CC2D2B: variants seen among roughly 807,000 people sequenced by gnomAD.
The protein encoded by CC2D2B is coiled-coil and C2 domain containing 2B.
CC2D2B carries 128 observed loss-of-function variants against 161.2 expected under a neutral mutation model. That is an observed-to-expected ratio of 0.79 (90% CI 0.69 to 0.92). The LOEUF is 0.92. CC2D2B is among the 40% of genes least tolerant of loss of function. The pLI is 0.00. For missense variants in CC2D2B, 1,173 were observed against 1,375.1 expected (o/e 0.85, Z 2.32); for synonymous variants, 391 against 449.8 (o/e 0.87, Z 1.65).
intron 14 of CC2D2B, 118 bp downstream of exon 14, chr10:95,966,420 A>T: frequency 2.7e-6 from 1 of 370,440 alleles, no homozygotes; most frequent in African/African-American, 2.1e-5. Flanking sequence ...TAAGTTTTTA[A>T]AAACACATTT....
Position 95,943,286 on chromosome 10 carries a change from G to T in CC2D2B, c.801+4361G>T, listed in dbSNP as rs1337102360. ...TGTCAGGTCTATCAGATGTTCCATTGCTTCTCTCTGCTATCTCCCACACAA... is the reference window on the plus strand; with the variant it reads ...TGTCAGGTCTATCAGATGTTCCATTTCTTCTCTCTGCTATCTCCCACACAA... On this transcript the variant is annotated intron_variant, in intron 9 of 34. Transcript: ENST00000646931. Among the ~76,000 whole-genome samples, 5 of 152,126 alleles carry T rather than the reference G, an allele frequency of 3.3e-5. No individual in the cohort carries two copies. The East Asian group carries it at 9.6e-4, about 29-fold the overall frequency.
chr10:95,993,976 A>G (rs181412637), intron 22 of CC2D2B, among the ~76,000 whole-genome samples: 1 of 85,920 alleles, frequency 1.2e-5, no homozygotes, highest in African/African-American at 5.4e-5. Context: ...ATATATATAT[A>G]TATATATATA....
In CC2D2B at chr10:95,942,275, T is replaced by C. The variant is rs1293174122; in HGVS notation, c.801+3350T>C. On this transcript the variant is annotated intron_variant, in intron 9 of 34. Transcript: ENST00000646931. ...ACATTGTGCTTATAGTTAATAGTAC[T>C]GTAAACTTAAACGAGGGTAGATCTC... Among the ~76,000 whole-genome samples, 4 of 152,200 alleles carry C rather than the reference T, an allele frequency of 2.6e-5. No individual in the cohort carries two copies. The East Asian group carries it at 5.8e-4, about 22-fold the overall frequency.
chr10:95,980,299 C>T (rs955642368), intron 17 of CC2D2B, among the ~76,000 whole-genome samples: 10 of 152,154 alleles, frequency 6.6e-5, no homozygotes, highest in Admixed American at 2.0e-4. Flanking sequence ...TACAGCTAAA[C>T]GTGTATAGGA....
In CC2D2B at chr10:96,004,136, T is replaced by C. The variant is rs1231857575; in HGVS notation, c.2850-16T>C. On this transcript the variant is annotated splice_polypyrimidine_tract_variant and intron_variant, in intron 24 of 34. Transcript: ENST00000646931. ...TGAGAAAATTAAGCATTTGAATATATTTTTCTTATTTGCAGCTCACCAGGA... is the reference window on the plus strand; with the variant it reads ...TGAGAAAATTAAGCATTTGAATATACTTTTCTTATTTGCAGCTCACCAGGA... 2.8e-6 allele frequency: 4 copies of C among 1,420,860 alleles called. No homozygotes were observed. Among genetic ancestry groups the C allele is most frequent in the Non-Finnish European group, 3.8e-6 (4 of 1,043,116 alleles). 88.0% of individuals were successfully genotyped at this position (1,420,860 alleles called of 1,614,324 possible).
chr10:96,032,726 G>A lies in CC2D2B; in HGVS notation c.*718G>A. 2.2e-6 allele frequency: 1 copy of A among 462,530 alleles called. No homozygotes were observed. The highest frequency in any genetic ancestry group is 1.6e-5 in the South Asian group (1 of 62,786). The allele number at this position is 462,530 out of a possible 1,614,324, so 28.7% of individuals were successfully genotyped here. The stretch of plus-strand genomic sequence containing the variant: ...CTTCTCAAAAGTTTGCACTTTGGAT[G>A]CTACTGACATGAAATTCTTACAGCT... On this transcript the variant is annotated 3_prime_UTR_variant, in exon 35 of 35. Coordinates refer to ENST00000646931, the MANE Select transcript of CC2D2B (RefSeq NM_001349008.3).
At chr10:95,993,926 GTGTGTGTGTGTGTGTGTA>G (rs1564649398) in intron 22 of CC2D2B, among the ~76,000 whole-genome samples, 1 of 4,592 alleles carries the variant, frequency 2.2e-4, no homozygotes, top group Non-Finnish European at 4.2e-4. Flanking sequence ...GTGTGTGTGT[GTGTGTGTGTGTGTGTGTA>G]TGTATGTGTA....
At chr10:96,004,737 A>G (rs74594860) in intron 25 of CC2D2B, among the ~76,000 whole-genome samples, 4,351 of 152,246 alleles carry the variant, frequency 0.029, 102 homozygotes, top group Middle Eastern at 0.058. Context: ...GCAAGCTCCA[A>G]AATAAACGTT....
At position 96,025,188 on chromosome 10, in the gene CC2D2B, A is replaced by AT. The variant is rs1564684307; in HGVS notation, c.3947+277_3947+278insT. 1.2e-4 allele frequency among the ~76,000 whole-genome samples: 6 copies of AT among 49,564 alleles called. 1 individual carries two copies. In the South Asian group the frequency reaches 3.0e-3, roughly 25 times the overall value. The allele number at this position is 49,564 out of a possible 152,430, so 32.5% of individuals were successfully genotyped here. On this transcript the variant is annotated intron_variant, in intron 33 of 34. Transcript: ENST00000646931. ...ATATATATATATATATATATATAAA[A>AT]AAAAATATATATATATATATATATA...
In CC2D2B at chr10:95,918,546, C is replaced by A. The variant is rs969319635; in HGVS notation, c.37-3470C>A. ...TCCCTTGCTGCTTTTAGGATTATTT[C>A]TTTATCTTTGACCTTTGGGAGTTTG... is the stretch of plus-strand genomic sequence containing the variant. On this transcript the variant is annotated intron_variant, in intron 2 of 34. Transcript: ENST00000646931. Among the ~76,000 whole-genome samples, 60 of 152,102 alleles carry A rather than the reference C, an allele frequency of 3.9e-4. 1 individual carries two copies. Among genetic ancestry groups the A allele is most frequent in the Non-Finnish European group, 1.5e-4 (10 of 68,012 alleles).
intron 11 of CC2D2B, among the ~76,000 whole-genome samples, chr10:95,956,868 C>T (rs1234509488): frequency 2.0e-5 from 3 of 152,118 alleles, no homozygotes; most frequent in East Asian, 1.9e-4. Context: ...TGTTTATTCA[C>T]ATTATTTTTT....
At chr10:95,975,596 T>C (rs1221398852) in intron 17 of CC2D2B, among the ~76,000 whole-genome samples, 2 of 152,128 alleles carry the variant, frequency 1.3e-5, no homozygotes, top group Admixed American at 6.5e-5. Flanking sequence ...ACCCAATATA[T>C]TGGAAAGAGT....
At chr10:95,998,613 C>G (rs1339606799) in intron 24 of CC2D2B, among the ~76,000 whole-genome samples, 1 of 151,974 alleles carries the variant, frequency 6.6e-6, no homozygotes, top group Non-Finnish European at 1.5e-5. Context: ...CTGGCAAGTC[C>G]ACAATGTGCA....
chr10:96,012,414 T>C, intron 27 of CC2D2B, 47 bp downstream of exon 27: 1 of 724,912 alleles, frequency 1.4e-6, no homozygotes, highest in Non-Finnish European at 2.4e-6. Context: ...CAAAGAGGTA[T>C]GAACTATTTT....
chr10:95,911,361 TA>T lies in CC2D2B; in HGVS notation c.36+4del. 4.1e-6 allele frequency: 1 copy of T among 241,546 alleles called. No homozygotes were observed. 15.0% of individuals were successfully genotyped at this position (241,546 alleles called of 1,614,324 possible). ...CAAAGAGAAGATATTTTTAAAAAGG[TA>T]AGGTATTAATGGAGTTTATAATATT... On this transcript the variant is annotated splice_donor_region_variant and intron_variant, in intron 2 of 34. Transcript: ENST00000646931.
chr10:96,032,568 T>C lies in CC2D2B; in HGVS notation c.*560T>C, dbSNP rs1401136517. Reference sequence around the variant, plus strand: ...AGGCTGGTACGTTTGATGCTGGGTCTGATACAATTTCAGATGGAAGCTGCT... The same window carrying C: ...AGGCTGGTACGTTTGATGCTGGGTCCGATACAATTTCAGATGGAAGCTGCT... On this transcript the variant is annotated 3_prime_UTR_variant, in exon 35 of 35. Coordinates refer to ENST00000646931, the MANE Select transcript of CC2D2B (RefSeq NM_001349008.3). 1.3e-5 allele frequency: 4 copies of C among 317,972 alleles called. No homozygotes were observed. The highest frequency in any genetic ancestry group is 2.5e-5 in the Non-Finnish European group (4 of 159,078). The allele number at this position is 317,972 out of a possible 1,614,324, so 19.7% of individuals were successfully genotyped here.
At chr10:96,010,751 A>C (rs765856826) in intron 26 of CC2D2B, among the ~76,000 whole-genome samples, 17 of 152,150 alleles carry the variant, frequency 1.1e-4, no homozygotes, top group Non-Finnish European at 2.2e-4. Context: ...TTAAGTCCTT[A>C]AAGATGAATT....
In CC2D2B at chr10:95,988,273, G is replaced by A. The variant is rs2077809664; in HGVS notation, c.2310G>A (p.Lys770=). ...VFQEYESQKE[K]EVSVSDVNSI... is the part of the protein sequence containing the mutation. ...AGGAGTATGAAAGTCAGAAAGAGAA[G>A]GAGGTATCCGTTTCAGATGTAAATT... The change falls in exon 20 of 35, where the codon AAG becomes AAA. Residue 770 remains lysine, a synonymous_variant. Coordinates refer to ENST00000646931, the MANE Select transcript of CC2D2B (RefSeq NM_001349008.3). 4.9e-6 allele frequency: 6 copies of A among 1,224,514 alleles called. No homozygotes were observed. The highest frequency in any genetic ancestry group is 6.1e-6 in the Non-Finnish European group (6 of 979,330). 75.9% of individuals were successfully genotyped at this position (1,224,514 alleles called of 1,614,324 possible). A position where few individuals can be genotyped will look rare whatever the true frequency, so the allele number is the denominator to read the frequency against.
chr10:95,963,160 G>A (rs2076826068), intron 12 of CC2D2B, among the ~76,000 whole-genome samples: 1 of 152,152 alleles, frequency 6.6e-6, no homozygotes, highest in Non-Finnish European at 1.5e-5. Flanking sequence ...GCCCCAGCTG[G>A]GGTAGCCCCA....
Sources: gnomAD v4.1 joint callset for allele counts (sites outside exome capture counted in the v4.1 genomes callset) on GRCh38, gnomAD v4.1.1 for gene constraint, MANE v1.5 for transcripts, NCBI Gene and HGNC (gene_info 2026-07-23, HGNC 2026-07-21) for gene names.